Variants in GRM8 observed in about 807,000 individuals in gnomAD.
The protein encoded by GRM8 is glutamate metabotropic receptor 8.
Under a neutral mutation model 87.2 loss-of-function variants are expected in GRM8, and 47 were observed. The ratio of observed to expected loss-of-function variants is 0.54; its 90% CI spans 0.43 to 0.69. The LOEUF is 0.69. Among genes scored for constraint, GRM8 ranks in the 30% least tolerant of loss-of-function variants. The pLI, the probability that GRM8 is intolerant of heterozygous loss-of-function variation, is 0.00. For missense variants in GRM8, 1,019 were observed against 1,139.2 expected (o/e 0.89, Z 1.52); for synonymous variants, 396 against 404.5 (o/e 0.98, Z 0.25).
intron 2 of GRM8, chr7:127,118,339 C>T (rs1315792951): frequency 6.6e-6 from 1 of 152,190 alleles, no homozygotes; most frequent in Non-Finnish European, 1.5e-5. Flanking sequence ...TATTCCACTA[C>T]ATACTACAGA....
chr7:126,700,062 C>A (rs754311218), intron 7 of GRM8, among the ~76,000 whole-genome samples: 4 of 152,120 alleles, frequency 2.6e-5, no homozygotes, highest in Non-Finnish European at 5.9e-5. Flanking sequence ...AAGGCACACA[C>A]ACTGTTCAGA....
chr7:126,655,827 C>G (rs573353911), intron 7 of GRM8, among the ~76,000 whole-genome samples: 23 of 152,074 alleles, frequency 1.5e-4, no homozygotes, highest in Non-Finnish European at 3.2e-4. Context: ...AACTGACTCC[C>G]AAGGTAGATA....
At chr7:127,086,998 C>T (rs1823576161) in intron 3 of GRM8, among the ~76,000 whole-genome samples, 3 of 152,160 alleles carry the variant, frequency 2.0e-5, no homozygotes, top group East Asian at 1.9e-4. Context: ...AAAGTTTCTC[C>T]AAGGAAAAAA....
At chr7:127,034,246 A>G (rs1817646474) in intron 3 of GRM8, among the ~76,000 whole-genome samples, 1 of 152,222 alleles carries the variant, frequency 6.6e-6, no homozygotes, top group Admixed American at 6.5e-5. Context: ...ACACAAATGC[A>G]TGGACAGTCT....
chr7:126,899,058 G>T lies in GRM8; in HGVS notation c.1156+3484C>A, dbSNP rs188898960. Among the ~76,000 whole-genome samples the T allele has an allele frequency of 1.9e-3, 286 of 149,710 alleles. 1 individual carries two copies. Among genetic ancestry groups the T allele is most frequent in the African/African-American group, 6.8e-3 (277 of 40,568 alleles). On this transcript the variant is annotated intron_variant, in intron 6 of 10. Coordinates refer to ENST00000339582, the MANE Select transcript of GRM8 (RefSeq NM_000845.3). ...AAGAAAATATGAGTTTGGAGAAACTGGTTATTCTGAAAACAGCCTATTAAA... is the reference window on the plus strand; with the variant it reads ...AAGAAAATATGAGTTTGGAGAAACTTGTTATTCTGAAAACAGCCTATTAAA...
chr7:127,196,078 G>T (rs551519149), intron 2 of GRM8, among the ~76,000 whole-genome samples: 1 of 152,258 alleles, frequency 6.6e-6, no homozygotes, highest in Non-Finnish European at 1.5e-5. Flanking sequence ...TAAAAACATA[G>T]ATAATGAGCA....
At chr7:127,096,231 T>C (rs926674472) in intron 3 of GRM8, among the ~76,000 whole-genome samples, 1 of 152,132 alleles carries the variant, frequency 6.6e-6, no homozygotes, top group Non-Finnish European at 1.5e-5. Flanking sequence ...AGAACACTCA[T>C]AGGCTACCTG....
chr7:126,492,867 G>A (rs1252462289), intron 9 of GRM8, among the ~76,000 whole-genome samples: 2 of 151,900 alleles, frequency 1.3e-5, no homozygotes, highest in Admixed American at 6.6e-5. Context: ...ATCACAAGTC[G>A]ACACATGATA....
chr7:126,829,038 C>G (rs1795091933), intron 6 of GRM8, among the ~76,000 whole-genome samples: 1 of 152,094 alleles, frequency 6.6e-6, no homozygotes, highest in Non-Finnish European at 1.5e-5. Flanking sequence ...ATCCTGAGTT[C>G]TAGTATGATC....
intron 6 of GRM8, among the ~76,000 whole-genome samples, chr7:126,885,819 T>G (rs1262753399): frequency 6.6e-6 from 1 of 152,172 alleles, no homozygotes; most frequent in Admixed American, 6.6e-5. Context: ...AAATATAACT[T>G]TCCTGAAATA....
chr7:126,449,326 G>A (rs1035723779), intron 9 of GRM8, among the ~76,000 whole-genome samples: 10 of 151,720 alleles, frequency 6.6e-5, no homozygotes, highest in Admixed American at 4.6e-4. Context: ...TGAACAGTAA[G>A]TTCTTATCTA....
At chr7:126,599,542 C>A (rs1434931903) in intron 8 of GRM8, among the ~76,000 whole-genome samples, 2 of 152,082 alleles carry the variant, frequency 1.3e-5, no homozygotes, top group Non-Finnish European at 2.9e-5. Flanking sequence ...TTCCTTGCCT[C>A]CAATTATCTT....
At chr7:126,985,220 G>A (rs1261689274) in intron 3 of GRM8, among the ~76,000 whole-genome samples, 1 of 152,098 alleles carries the variant, frequency 6.6e-6, no homozygotes, top group African/African-American at 2.4e-5. Context: ...TTTTTCCACA[G>A]GGTATAAGGC....
chr7:127,105,048 C>T (rs1825682492), intron 3 of GRM8, among the ~76,000 whole-genome samples: 2 of 152,142 alleles, frequency 1.3e-5, no homozygotes, highest in Non-Finnish European at 2.9e-5. Context: ...TAGTTTTCTC[C>T]TCTTGCTAAA....
rs61674303 is a variant in GRM8 at position 127,223,443 on chromosome 7, GCACACACACACACACACA to G, written c.510+19234_510+19251del. On this transcript the variant is annotated intron_variant, in intron 2 of 10. Coordinates refer to ENST00000339582, the MANE Select transcript of GRM8 (RefSeq NM_000845.3). ...CTCGAAACACACCACACACACACAC[GCACACACACACACACACA>G]CACACACACACACACACACACACAC... Among the ~76,000 whole-genome samples the G allele has an allele frequency of 2.0e-3, 282 of 144,074 alleles. 1 individual carries two copies. Among genetic ancestry groups the G allele is most frequent in the Middle Eastern group, 3.5e-3 (1 of 288 alleles). The allele number at this position is 144,074 out of a possible 152,430, so 94.5% of individuals were successfully genotyped here.
chr7:127,224,509 C>T (rs1797186300), intron 2 of GRM8, among the ~76,000 whole-genome samples: 1 of 152,080 alleles, frequency 6.6e-6, no homozygotes, highest in South Asian at 2.1e-4. Flanking sequence ...GATTTGTCAC[C>T]AGGAGACCTG....
chr7:127,172,735 T>C (rs1793889272), intron 2 of GRM8, among the ~76,000 whole-genome samples: 1 of 151,914 alleles, frequency 6.6e-6, no homozygotes, highest in Non-Finnish European at 1.5e-5. Flanking sequence ...CCACAATTTG[T>C]ATTTCCTTTA....
At chr7:126,969,963 G>A (rs964241768) in intron 3 of GRM8, among the ~76,000 whole-genome samples, 2 of 151,890 alleles carry the variant, frequency 1.3e-5, no homozygotes, top group African/African-American at 2.4e-5. Flanking sequence ...AAGACTAGGT[G>A]TGTTCTCAAT....
chr7:127,112,853 C>G (rs1826459965), intron 2 of GRM8, among the ~76,000 whole-genome samples: 1 of 152,168 alleles, frequency 6.6e-6, no homozygotes, highest in African/African-American at 2.4e-5. Flanking sequence ...ACCTTGACAG[C>G]CCACGGACTT....
Sources: gnomAD v4.1 joint callset for allele counts (sites outside exome capture counted in the v4.1 genomes callset) on GRCh38, gnomAD v4.1.1 for gene constraint, MANE v1.5 for transcripts, NCBI Gene and HGNC (gene_info 2026-07-23, HGNC 2026-07-21) for gene names.